ZNF784: variants seen among roughly 807,000 people sequenced by gnomAD.
The protein encoded by ZNF784 is zinc finger protein 784.
A neutral mutation model predicts 3.3 loss-of-function variants in ZNF784; 5 were observed. That is an observed-to-expected ratio of 1.53 (90% CI 0.80 to 3.22). ZNF784 has a LOEUF of 3.22. Ranked by LOEUF, ZNF784 falls within the 30% of genes most tolerant of loss-of-function variation. ZNF784 has a pLI of 0.00. For synonymous variants in ZNF784, 231 were observed against 219.6 expected, an observed-to-expected ratio of 1.05 and a Z score of -0.46; for missense variants, 501 against 480.7, an observed-to-expected ratio of 1.04 and a Z score of -0.39.
At position 55,622,619 on chromosome 19, in the gene ZNF784, G is replaced by A. The variant is rs575301558; in HGVS notation, c.104C>T (p.Pro35Leu). The A allele has an allele frequency of 1.3e-6, 2 of 1,566,678 alleles. No homozygotes were observed. Among genetic ancestry groups the A allele is most frequent in the Admixed American group, 3.8e-5 (2 of 53,162 alleles). ...GATGAGGTCACTCGGGGGTGTGCCA[G>A]GCCGGCAGTCATCAGGCACCAGGAC... The part of the protein sequence containing the change: ...DLVLVPDDCR[P>L]GTPPSDLIEI... Residue 35 changes from proline (P) to leucine (L), a missense_variant, in exon 2 of 2, where the codon CCT becomes CTT. By Grantham distance (98) the Pro-to-Leu change is moderately conservative (BLOSUM62 -3). Coordinates refer to ENST00000325351, the MANE Select transcript of ZNF784 (RefSeq NM_203374.2). This position sits in a 1 kb window ranked among gnomAD's most constrained non-coding sequence, Gnocchi z 5.9.
rs755728941 is a variant in ZNF784, at chr19:55,622,609, G to T, written c.114C>A (p.Pro38=). ...LVPDDCRPGT[P]PSDLIEIQVV... is the part of the protein sequence containing the mutation. ...CCTGGATCTCGATGAGGTCACTCGG[G>T]GGTGTGCCAGGCCGGCAGTCATCAG... The change falls in exon 2 of 2, where the codon CCC becomes CCA. Residue 38 remains proline (P), a synonymous_variant. Coordinates refer to ENST00000325351, the MANE Select transcript of ZNF784 (RefSeq NM_203374.2). The surrounding 1 kb of genome is among the most constrained non-coding windows in gnomAD (Gnocchi z 5.9). 3.2e-6 allele frequency: 5 copies of T among 1,579,832 alleles called. No homozygotes were observed. The highest frequency in any genetic ancestry group is 1.4e-5 in the African/African-American group (1 of 73,832).
At chr19:55,623,820 G>C (rs1981648451) in intron 1 of ZNF784, among the ~76,000 whole-genome samples, 1 of 152,086 alleles carries the variant, frequency 6.6e-6, no homozygotes, top group South Asian at 2.1e-4. Flanking sequence ...GAGACTGCAG[G>C]CTCCAAAAGA....
intron 1 of ZNF784, among the ~76,000 whole-genome samples, chr19:55,623,395 G>A (rs981276991): frequency 2.6e-5 from 4 of 152,244 alleles, no homozygotes; most frequent in Admixed American, 2.6e-4. Flanking sequence ...AATATATCAT[G>A]GATCCCACCT....
rs1235288120 is a variant in ZNF784, at chr19:55,621,074, A to C, written c.*677T>G. 6.4e-6 allele frequency: 1 copy of C among 155,248 alleles called. No homozygotes were observed. The highest frequency in any genetic ancestry group is 2.4e-5 in the African/African-American group (1 of 41,408). 9.6% of individuals were successfully genotyped at this position (155,248 alleles called of 1,614,324 possible). ...GCCTCCGAAGAAGAGTGGATGGGTT[A>C]AGGACGGACCACAATGGGGGTGGGG... On this transcript the variant is annotated 3_prime_UTR_variant, in exon 2 of 2. Coordinates refer to ENST00000325351, the MANE Select transcript of ZNF784 (RefSeq NM_203374.2). This position sits in a 1 kb window ranked among gnomAD's most constrained non-coding sequence, Gnocchi z 4.1.
At position 55,621,819 on chromosome 19, in the gene ZNF784, C is replaced by T; in HGVS notation, c.904G>A (p.Gly302Arg). The T allele has an allele frequency of 6.3e-7, 1 of 1,592,150 alleles. No individual in the cohort carries two copies. Among genetic ancestry groups the T allele is most frequent in the African/African-American group, 1.3e-5 (1 of 74,932 alleles). Residue 302 changes from glycine to arginine, a missense_variant, in exon 2 of 2, where the codon GGG becomes AGG. Coordinates refer to ENST00000325351, the MANE Select transcript of ZNF784 (RefSeq NM_203374.2). This position sits in a 1 kb window ranked among gnomAD's most constrained non-coding sequence, Gnocchi z 4.1. ...SAAEGSGSGC[G>R]VGDPAEEGRG... ...CCCTCCTCCGCAGGGTCCCCTACCC[C>T]ACACCCGCTCCCCGACCCCTCAGCC...
At position 55,621,712 on chromosome 19, in the gene ZNF784, T is replaced by G; in HGVS notation, c.*39A>C. On this transcript the variant is annotated 3_prime_UTR_variant, in exon 2 of 2. Transcript: ENST00000325351. This position sits in a 1 kb window ranked among gnomAD's most constrained non-coding sequence, Gnocchi z 4.1. Reference sequence around the variant, plus strand: ...CGTCCCCCTCCCCGGGTCGGCCTCGTACCTCCGCCTTAACTAACCCATGTC... The same window carrying G: ...CGTCCCCCTCCCCGGGTCGGCCTCGGACCTCCGCCTTAACTAACCCATGTC... 1.9e-6 allele frequency: 3 copies of G among 1,550,036 alleles called. No homozygotes were observed. The highest frequency in any genetic ancestry group is 1.7e-6 in the Non-Finnish European group (2 of 1,150,862).
Position 55,622,728 on chromosome 19 carries a change from C to T in ZNF784, c.79-84G>A, listed in dbSNP as rs1290995135. On this transcript the variant is annotated intron_variant, in intron 1 of 1. Coordinates refer to ENST00000325351, the MANE Select transcript of ZNF784 (RefSeq NM_203374.2). This position sits in a 1 kb window ranked among gnomAD's most constrained non-coding sequence, Gnocchi z 5.9. ...CGCCCCAATTATTAAAGCTTGGGCT[C>T]CTCTGTTATTTTCAGACAGGGCCTC... 7.9e-7 allele frequency: 1 copy of T among 1,267,146 alleles called. No homozygotes were observed. The highest frequency in any genetic ancestry group is 1.0e-6 in the Non-Finnish European group (1 of 954,502). 78.5% of individuals were successfully genotyped at this position (1,267,146 alleles called of 1,614,324 possible).
chr19:55,624,555 C>T lies in ZNF784; in HGVS notation c.7G>A (p.Ala3Thr), dbSNP rs779084967. The change falls in exon 1 of 2, where the codon GCT (alanine) becomes ACT (threonine). Residue 3 changes from alanine to threonine, a missense_variant. Physicochemically the swap from Ala to Thr is moderately conservative, Grantham distance 58. Transcript: ENST00000325351. Reference protein sequence around the residue: MAAARPEAQSRSS... With the variant: MATARPEAQSRSS... ...CGACTCTGGGCCTCTGGGCGCGCAG[C>T]GGCCATCTTGTGCCCAAGCCCCGCC... The T allele has an allele frequency of 4.4e-6, 7 of 1,590,346 alleles. No homozygotes were observed. The highest frequency in any genetic ancestry group is 4.6e-5 in the East Asian group (2 of 43,224).
At chr19:55,623,606 G>A (rs747873880) in intron 1 of ZNF784, among the ~76,000 whole-genome samples, 2 of 152,064 alleles carry the variant, frequency 1.3e-5, no homozygotes, top group African/African-American at 2.4e-5. Flanking sequence ...ATCCCAAATC[G>A]TCACTATAAT....
At position 55,622,771 on chromosome 19, in the gene ZNF784, C is replaced by T; in HGVS notation, c.79-127G>A. ...AGGGCCTCACTCTGTTGCCCTGGCG[C>T]GATCGTGGCTCATTGCAACCTTGAC... On this transcript the variant is annotated intron_variant, in intron 1 of 1. Transcript: ENST00000325351. This position sits in a 1 kb window ranked among gnomAD's most constrained non-coding sequence, Gnocchi z 5.9. 1 of 852,688 alleles carries T rather than the reference C, an allele frequency of 1.2e-6. No individual in the cohort carries two copies. The highest frequency in any genetic ancestry group is 1.7e-6 in the Non-Finnish European group (1 of 604,610). The allele number at this position is 852,688 out of a possible 1,614,324, so 52.8% of individuals were successfully genotyped here. A position where few individuals can be genotyped will look rare whatever the true frequency, so the allele number is the denominator to read the frequency against.
At position 55,624,371 on chromosome 19, in the gene ZNF784, C is replaced by G. The variant is rs944654398; in HGVS notation, c.78+113G>C. On this transcript the variant is annotated intron_variant, in intron 1 of 1. Coordinates refer to ENST00000325351, the MANE Select transcript of ZNF784 (RefSeq NM_203374.2). ...AGAAGCCCCACCCCCAGGGCCATAG[C>G]ACTAAATACCTCCCTCGCCCACCCC... 20 of 877,768 alleles carry G rather than the reference C, an allele frequency of 2.3e-5. No homozygotes were observed. In the South Asian group the frequency reaches 3.1e-4, roughly 14 times the overall value. 54.4% of individuals were successfully genotyped at this position (877,768 alleles called of 1,614,324 possible).
chr19:55,621,981 C>T lies in ZNF784; in HGVS notation c.742G>A (p.Gly248Ser). 1 of 1,595,350 alleles carries T rather than the reference C, an allele frequency of 6.3e-7. No homozygotes were observed. The change falls in exon 2 of 2, where the codon GGC (glycine) becomes AGC (serine). Residue 248 changes from glycine (G) to serine (S), a missense_variant. Coordinates refer to ENST00000325351, the MANE Select transcript of ZNF784 (RefSeq NM_203374.2). The surrounding 1 kb of genome is among the most constrained non-coding windows in gnomAD (Gnocchi z 4.1). ...VLSGHARIHT[G>S]ERPFRCTLCD... Reference sequence around the variant, plus strand: ...AGCGTGCAGCGGAACGGGCGCTCGCCAGTGTGGATGCGGGCGTGGCCGCTA... The same window carrying T: ...AGCGTGCAGCGGAACGGGCGCTCGCTAGTGTGGATGCGGGCGTGGCCGCTA...
At chr19:55,623,073 G>A (rs1057010810) in intron 1 of ZNF784, among the ~76,000 whole-genome samples, 3 of 152,198 alleles carry the variant, frequency 2.0e-5, no homozygotes, top group African/African-American at 7.2e-5. Flanking sequence ...CTACTCGGGA[G>A]ACTAAGACAC....
rs1981647439 is a variant in ZNF784, at chr19:55,623,773, T to C, written c.78+711A>G. ...ATTTTTATTTCCTTTATAGAACATA[T>C]CACAGTAACTCTCCTTTATTGTCTC... On this transcript the variant is annotated intron_variant, in intron 1 of 1. Coordinates refer to ENST00000325351, the MANE Select transcript of ZNF784 (RefSeq NM_203374.2). Among the ~76,000 whole-genome samples the C allele has an allele frequency of 2.0e-5, 3 of 152,116 alleles. No homozygotes were observed. The South Asian group carries it at 6.2e-4, about 31-fold the overall frequency.
rs1326609140 is a variant in ZNF784, at chr19:55,621,411, A to G, written c.*340T>C. The G allele has an allele frequency of 4.7e-6, 2 of 424,076 alleles. No individual in the cohort carries two copies. The highest frequency in any genetic ancestry group is 8.8e-6 in the Non-Finnish European group (2 of 228,046). 26.3% of individuals were successfully genotyped at this position (424,076 alleles called of 1,614,324 possible). Reference sequence around the variant, plus strand: ...TCTGAAGTGCCCAGGCTCTGTCGTGACAGGCTGGGTCTTGCACAAGGACAA... The same window carrying G: ...TCTGAAGTGCCCAGGCTCTGTCGTGGCAGGCTGGGTCTTGCACAAGGACAA... On this transcript the variant is annotated 3_prime_UTR_variant, in exon 2 of 2. Transcript: ENST00000325351. This position sits in a 1 kb window ranked among gnomAD's most constrained non-coding sequence, Gnocchi z 4.1.
In ZNF784 at chr19:55,622,036, G is replaced by A. The variant is rs1258804633; in HGVS notation, c.687C>T (p.Cys229=). 2 of 1,591,968 alleles carry A rather than the reference G, an allele frequency of 1.3e-6. No individual in the cohort carries two copies. Among genetic ancestry groups the A allele is most frequent in the Admixed American group, 1.7e-5 (1 of 59,122 alleles). The change falls in exon 2 of 2, where the codon TGC becomes TGT. Residue 229 remains cysteine (C), a synonymous_variant. Transcript: ENST00000325351. The surrounding 1 kb of genome is among the most constrained non-coding windows in gnomAD (Gnocchi z 5.9). ...TGERPYHCGI[C]GKGFTQSSVL... is the part of the protein sequence containing the mutation. ...CCGAGGACTGGGTGAAGCCCTTGCC[G>A]CAGATGCCGCAATGGTATGGCCGCT...
rs557721988 is a variant in ZNF784 at position 55,622,407 on chromosome 19, A to C, written c.316T>G (p.Cys106Gly). The change falls in exon 2 of 2, where the codon TGC (cysteine) becomes GGC (glycine). Residue 106 changes from cysteine (C) to glycine (G), a missense_variant. Physicochemically the swap from Cys to Gly is radical, Grantham distance 159. Coordinates refer to ENST00000325351, the MANE Select transcript of ZNF784 (RefSeq NM_203374.2). The surrounding 1 kb of genome is among the most constrained non-coding windows in gnomAD (Gnocchi z 5.9). ...GCGGGGCCCGGGCAGCTGTGGCCGCACACGTGGCACCGGCTCGGGTCCCCA... is the reference window on the plus strand; with the variant it reads ...GCGGGGCCCGGGCAGCTGTGGCCGCCCACGTGGCACCGGCTCGGGTCCCCA... The part of the protein sequence containing the change: ...QGGDPSRCHV[C>G]GHSCPGPASL... 3.2e-6 allele frequency: 5 copies of C among 1,573,682 alleles called. No homozygotes were observed. In the East Asian group the frequency reaches 1.1e-4, roughly 36 times the overall value.
Position 55,621,875 on chromosome 19 carries a change from C to T in ZNF784, c.848G>A (p.Gly283Glu). ...THFHGPGPGLGDSGGQLGSSA... is the reference protein window; with the variant it reads ...THFHGPGPGLEDSGGQLGSSA... Reference sequence around the variant, plus strand: ...CGAGCCCAGCTGGCCTCCAGAGTCTCCCAGCCCCGGCCCCGGCCCGTGGAA... The same window carrying T: ...CGAGCCCAGCTGGCCTCCAGAGTCTTCCAGCCCCGGCCCCGGCCCGTGGAA... Residue 283 changes from glycine to glutamate, a missense_variant, in exon 2 of 2, where the codon GGA becomes GAA. Coordinates refer to ENST00000325351, the MANE Select transcript of ZNF784 (RefSeq NM_203374.2). This position sits in a 1 kb window ranked among gnomAD's most constrained non-coding sequence, Gnocchi z 4.1. 1.9e-6 allele frequency: 3 copies of T among 1,587,382 alleles called. No individual in the cohort carries two copies. The highest frequency in any genetic ancestry group is 1.1e-5 in the South Asian group (1 of 89,174).
In ZNF784 at chr19:55,622,089, G is replaced by A; in HGVS notation, c.634C>T (p.Arg212Ter). Residue 212 changes from arginine to a stop codon, truncating the protein, a stop_gained, in exon 2 of 2, where the codon CGA (arginine) becomes TGA (stop). Coordinates refer to ENST00000325351, the MANE Select transcript of ZNF784 (RefSeq NM_203374.2). LOFTEE classifies it low-confidence loss of function (END_TRUNC). This position sits in a 1 kb window ranked among gnomAD's most constrained non-coding sequence, Gnocchi z 5.9. ...AKPFRRSSDMRDHERVHTGER... is the reference protein window; with the variant it reads ...AKPFRRSSDM ...CCAGTGTGCACGCGCTCGTGGTCTC[G>A]CATGTCTGAGGAGCGGCGGAAGGGC... 6.3e-7 allele frequency: 1 copy of A among 1,576,474 alleles called. No individual in the cohort carries two copies. The highest frequency in any genetic ancestry group is 1.1e-5 in the South Asian group (1 of 87,680).
Sources: gnomAD v4.1 joint callset for allele counts (sites outside exome capture counted in the v4.1 genomes callset) on GRCh38, gnomAD v4.1.1 for gene constraint, Gnocchi (gnomAD v3.1) non-coding constraint, MANE v1.5 for transcripts, NCBI Gene and HGNC (gene_info 2026-07-23, HGNC 2026-07-21) for gene names.